The following ADARB2 variants were observed in gnomAD, a reference collection of about 807,000 sequenced individuals.
ADARB2 encodes the protein adenosine deaminase RNA specific B2 (inactive).
A neutral mutation model predicts 62.2 loss-of-function variants in ADARB2; 25 were observed. The ratio of observed to expected loss-of-function variants is 0.40; its 90% CI spans 0.29 to 0.56. ADARB2 has a LOEUF of 0.56. ADARB2 is among the 20% of genes least tolerant of loss of function. The pLI is 0.43. For synonymous variants in ADARB2, 572 were observed against 500.8 expected, an observed-to-expected ratio of 1.14 and a Z score of -1.90; for missense variants, 1,071 against 1,077.4, an observed-to-expected ratio of 0.99 and a Z score of 0.08.
intron 1 of ADARB2, among the ~76,000 whole-genome samples, chr10:1,558,187 G>A (rs1198898226): frequency 6.6e-6 from 1 of 152,066 alleles, no homozygotes; most frequent in African/African-American, 2.4e-5. Flanking sequence ...TCCCCGGAGA[G>A]ACCCCGCGTG....
chr10:1,356,269 G>A (rs1382691222), intron 3 of ADARB2, among the ~76,000 whole-genome samples: 3 of 152,176 alleles, frequency 2.0e-5, no homozygotes, highest in East Asian at 3.8e-4. Context: ...CAGAAGGTGA[G>A]GTGCTGAAAG....
intron 1 of ADARB2, among the ~76,000 whole-genome samples, chr10:1,576,808 A>G (rs999982541): frequency 2.6e-5 from 4 of 151,754 alleles, no homozygotes; most frequent in African/African-American, 9.7e-5. Context: ...TTGAAGGTGG[A>G]GGATGAGGAG....
chr10:1,198,665 G>A (rs529387196), intron 8 of ADARB2, among the ~76,000 whole-genome samples: 5 of 152,334 alleles, frequency 3.3e-5, no homozygotes, highest in South Asian at 2.1e-4. Flanking sequence ...GGTGTCTCTC[G>A]GGCTTGGCTA....
chr10:1,497,455 C>T (rs545014886), intron 1 of ADARB2, among the ~76,000 whole-genome samples: 1 of 152,140 alleles, frequency 6.6e-6, no homozygotes, highest in Non-Finnish European at 1.5e-5. Flanking sequence ...TCATTTGAGA[C>T]AAATTTTAGA....
At chr10:1,458,112 G>A (rs77602311) in intron 1 of ADARB2, among the ~76,000 whole-genome samples, 2,924 of 152,158 alleles carry the variant, frequency 0.019, 69 homozygotes, top group African/African-American at 0.058. Context: ...CAGACGCATC[G>A]TCACACTCAG....
At chr10:1,441,666 A>T (rs1830908570) in intron 1 of ADARB2, among the ~76,000 whole-genome samples, 1 of 152,194 alleles carries the variant, frequency 6.6e-6, no homozygotes, top group Non-Finnish European at 1.5e-5. Context: ...TTTTTCTGTG[A>T]CAATCTATTA....
chr10:1,568,869 C>T (rs370896989), intron 1 of ADARB2, among the ~76,000 whole-genome samples: 9 of 151,784 alleles, frequency 5.9e-5, no homozygotes, highest in East Asian at 1.9e-4. Flanking sequence ...AAAGCACACA[C>T]GGCAGAATCC....
intron 9 of ADARB2, among the ~76,000 whole-genome samples, chr10:1,184,584 G>C (rs908671753): frequency 6.6e-6 from 1 of 152,222 alleles, no homozygotes; most frequent in East Asian, 1.9e-4. Context: ...CAAAGCAGGT[G>C]GTGCCGTGCC....
chr10:1,273,133 G>C (rs1831278971), intron 3 of ADARB2, among the ~76,000 whole-genome samples: 1 of 152,216 alleles, frequency 6.6e-6, no homozygotes, highest in Middle Eastern at 3.2e-3. Flanking sequence ...CTTAACTTGA[G>C]GATATCTGCA....
At chr10:1,332,141 C>T (rs760533915) in intron 3 of ADARB2, among the ~76,000 whole-genome samples, 3 of 152,200 alleles carry the variant, frequency 2.0e-5, no homozygotes, top group Non-Finnish European at 2.9e-5. Flanking sequence ...TGGTGGCTCA[C>T]GCCTGTAATC....
At chr10:1,572,211 G>A (rs1832951435) in intron 1 of ADARB2, among the ~76,000 whole-genome samples, 1 of 151,660 alleles carries the variant, frequency 6.6e-6, no homozygotes, top group East Asian at 1.9e-4. Context: ...GAGTGTGCAG[G>A]TGAGTGTACA....
intron 1 of ADARB2, among the ~76,000 whole-genome samples, chr10:1,678,553 T>A (rs1241307605): frequency 1.3e-5 from 2 of 152,032 alleles, no homozygotes; most frequent in Non-Finnish European, 2.9e-5. Context: ...AGTCGCTTTT[T>A]ATCCTCTACA....
At chr10:1,310,247 C>T (rs1831676275) in intron 3 of ADARB2, among the ~76,000 whole-genome samples, 1 of 152,220 alleles carries the variant, frequency 6.6e-6, no homozygotes, top group Non-Finnish European at 1.5e-5. Flanking sequence ...TTCTGACTTC[C>T]ACCATGCCTG....
intron 1 of ADARB2, among the ~76,000 whole-genome samples, chr10:1,718,052 A>T (rs2119161018): frequency 1.3e-5 from 2 of 152,266 alleles, no homozygotes; most frequent in South Asian, 4.1e-4. Flanking sequence ...GAAAAATGCT[A>T]AGGAAGAAAG....
At chr10:1,408,419 G>C (rs747956152) in intron 1 of ADARB2, among the ~76,000 whole-genome samples, 3 of 152,186 alleles carry the variant, frequency 2.0e-5, no homozygotes, top group Admixed American at 6.5e-5. Context: ...TTACACATGA[G>C]TCTTGAACCA....
rs1833786547 is a variant in ADARB2, at chr10:1,627,572, C to T, written c.100+109479G>A. Among the ~76,000 whole-genome samples the T allele has an allele frequency of 3.3e-5, 5 of 152,288 alleles. 1 individual carries two copies. In the South Asian group the frequency reaches 1.0e-3, roughly 32 times the overall value. ...TCATGTAGAAGTTTGCCCACAGCTA[C>T]ACAGCCATGGCCATGACATCTAACG... is the stretch of plus-strand genomic sequence containing the variant. On this transcript the variant is annotated intron_variant, in intron 1 of 9. Coordinates refer to ENST00000381312, the MANE Select transcript of ADARB2 (RefSeq NM_018702.4).
intron 1 of ADARB2, among the ~76,000 whole-genome samples, chr10:1,492,742 C>G (rs1389725555): frequency 6.6e-6 from 1 of 151,942 alleles, no homozygotes; most frequent in Admixed American, 6.5e-5. Flanking sequence ...CCTTCTGAGT[C>G]TCACAATCAG....
chr10:1,379,443 G>A (rs569489298), intron 1 of ADARB2, among the ~76,000 whole-genome samples: 1 of 151,962 alleles, frequency 6.6e-6, no homozygotes, highest in South Asian at 2.1e-4. Context: ...CTATCTCCAG[G>A]GCGACAACCT....
chr10:1,715,747 C>T (rs1003915323), intron 1 of ADARB2, among the ~76,000 whole-genome samples: 3 of 152,256 alleles, frequency 2.0e-5, no homozygotes, highest in African/African-American at 7.2e-5. Flanking sequence ...CCTGGAGCGA[C>T]CAGCTGGTGC....
Sources: gnomAD v4.1 joint callset for allele counts (sites outside exome capture counted in the v4.1 genomes callset) on GRCh38, gnomAD v4.1.1 for gene constraint, MANE v1.5 for transcripts, NCBI Gene and HGNC (gene_info 2026-07-23, HGNC 2026-07-21) for gene names.